Variants in OSBPL8 observed in about 807,000 individuals in gnomAD.
OSBPL8 encodes the protein oxysterol-binding protein-related protein 8.
Under a neutral mutation model 125.5 loss-of-function variants are expected in OSBPL8, and 59 were observed. That is an observed-to-expected ratio of 0.47 (90% CI 0.38 to 0.58). The LOEUF is 0.58. Among genes scored for constraint, OSBPL8 ranks in the 20% least tolerant of loss-of-function variants. The pLI, the probability that OSBPL8 is intolerant of heterozygous loss-of-function variation, is 0.00. For synonymous variants in OSBPL8, 330 were observed against 338.9 expected (o/e 0.97, Z 0.29); for missense variants, 758 against 1,047.8 (o/e 0.72, Z 3.82).
chr12:76,460,452 TAC>T (rs1283215151), intron 2 of OSBPL8, among the ~76,000 whole-genome samples: 1 of 143,964 alleles, frequency 6.9e-6, no homozygotes, highest in Admixed American at 7.0e-5. Flanking sequence ...GAAGAGCATC[TAC>T]AGAGGCATCA....
chr12:76,504,398 C>A lies in OSBPL8; in HGVS notation c.-67-16780G>T, dbSNP rs530540961. Among the ~76,000 whole-genome samples the A allele has an allele frequency of 5.3e-5, 8 of 152,222 alleles. No individual in the cohort carries two copies. The South Asian group carries it at 1.7e-3, about 32-fold the overall frequency. Reference sequence around the variant, plus strand: ...CTCTGTATCATAGAAGCTAAAAGCACGGAAACTACATTTTGCAAATGTCTT... The same window carrying A: ...CTCTGTATCATAGAAGCTAAAAGCAAGGAAACTACATTTTGCAAATGTCTT... On this transcript the variant is annotated intron_variant, in intron 1 of 23. Coordinates refer to ENST00000261183, the MANE Select transcript of OSBPL8 (RefSeq NM_020841.5).
intron 3 of OSBPL8, 150 bp downstream of exon 3, chr12:76,459,709 T>C: frequency 2.3e-6 from 2 of 871,786 alleles, no homozygotes; most frequent in Non-Finnish European, 3.5e-6. Flanking sequence ...TAAATGACCA[T>C]TTATATTCTT....
In OSBPL8 at chr12:76,459,892, G is replaced by A. The variant is rs139460201; in HGVS notation, c.46C>T (p.Leu16Phe). ...ADGEPDRTSL[L>F]GDSKDVLGPS... Reference sequence around the variant, plus strand: ...CCAAGGACATCTTTGCTATCACCAAGAAGCTTTTAAGGCAGGGTAATTGAG... The same window carrying A: ...CCAAGGACATCTTTGCTATCACCAAAAAGCTTTTAAGGCAGGGTAATTGAG... Residue 16 changes from leucine (L) to phenylalanine (F), a missense_variant, in exon 3 of 24, where the codon CTT (leucine) becomes TTT (phenylalanine). Physicochemically the swap from Leu to Phe is conservative, Grantham distance 22 (BLOSUM62 0). Coordinates refer to ENST00000261183, the MANE Select transcript of OSBPL8 (RefSeq NM_020841.5). 2.7e-4 allele frequency: 435 copies of A among 1,613,610 alleles called. 1 individual carries two copies. The highest frequency in any genetic ancestry group is 3.6e-4 in the Non-Finnish European group (424 of 1,179,952).
chr12:76,444,920 A>G (rs1872579428), intron 4 of OSBPL8, among the ~76,000 whole-genome samples: 1 of 152,148 alleles, frequency 6.6e-6, no homozygotes, highest in East Asian at 1.9e-4. Flanking sequence ...TAGTTTTTTT[A>G]TAGTTAAAAG....
intron 1 of OSBPL8, among the ~76,000 whole-genome samples, chr12:76,549,813 T>C (rs746577247): frequency 9.2e-5 from 14 of 152,070 alleles, no homozygotes; most frequent in South Asian, 4.2e-4. Context: ...TTTGTGAGAA[T>C]AGAATGGAGA....
At chr12:76,502,655 C>T (rs1880020808) in intron 1 of OSBPL8, among the ~76,000 whole-genome samples, 2 of 152,142 alleles carry the variant, frequency 1.3e-5, no homozygotes, top group Non-Finnish European at 2.9e-5. Flanking sequence ...AACAGAAAAT[C>T]ACAACAATCC....
chr12:76,479,120 AG>A (rs547712778), intron 2 of OSBPL8, among the ~76,000 whole-genome samples: 2 of 152,340 alleles, frequency 1.3e-5, no homozygotes, highest in African/African-American at 4.8e-5. Flanking sequence ...TCCCTTTAAT[AG>A]AAGTTTCAAT....
intron 7 of OSBPL8, among the ~76,000 whole-genome samples, chr12:76,399,100 C>T (rs375955914): frequency 1.3e-5 from 2 of 152,058 alleles, no homozygotes; most frequent in East Asian, 3.9e-4. Context: ...GATCGAAAAC[C>T]CTAGAATTAG....
intron 10 of OSBPL8, among the ~76,000 whole-genome samples, chr12:76,391,202 G>A (rs1035218529): frequency 2.0e-5 from 3 of 152,066 alleles, no homozygotes; most frequent in South Asian, 2.1e-4. Flanking sequence ...AATTCTATTC[G>A]TCTGAAAGGT....
intron 3 of OSBPL8, among the ~76,000 whole-genome samples, chr12:76,451,339 CA>C (rs34170128): frequency 0.21 from 30,983 of 145,858 alleles, 3,384 homozygotes; most frequent in Non-Finnish European, 0.27. Context: ...AGTCATTTCC[CA>C]AAAAAAAAAA....
At chr12:76,485,513 G>A (rs990504168) in intron 2 of OSBPL8, among the ~76,000 whole-genome samples, 4 of 152,032 alleles carry the variant, frequency 2.6e-5, no homozygotes, top group Admixed American at 1.3e-4. Context: ...CGGAGGTTGC[G>A]GTGAGCAGAG....
intron 6 of OSBPL8, among the ~76,000 whole-genome samples, chr12:76,402,239 T>C (rs563275956): frequency 1.1e-4 from 17 of 152,314 alleles, no homozygotes; most frequent in African/African-American, 4.1e-4. Context: ...CAGTGCTACA[T>C]ATTTCTCAGA....
chr12:76,387,703 G>A (rs188139157), intron 12 of OSBPL8, among the ~76,000 whole-genome samples: 10 of 152,200 alleles, frequency 6.6e-5, no homozygotes, highest in African/African-American at 2.2e-4. Context: ...GATGAGATGT[G>A]AGACAGAAGA....
At chr12:76,413,042 A>G (rs778523913) in intron 4 of OSBPL8, among the ~76,000 whole-genome samples, 1 of 152,218 alleles carries the variant, frequency 6.6e-6, no homozygotes, top group African/African-American at 2.4e-5. Flanking sequence ...TAATCTTTGT[A>G]TATTCTCTGA....
chr12:76,478,234 T>C (rs1877048770), intron 2 of OSBPL8, among the ~76,000 whole-genome samples: 1 of 151,920 alleles, frequency 6.6e-6, no homozygotes, highest in Non-Finnish European at 1.5e-5. Context: ...CACCCTCCGG[T>C]AGCCACCAGA....
chr12:76,544,209 T>C (rs1361906000), intron 1 of OSBPL8, among the ~76,000 whole-genome samples: 1 of 152,164 alleles, frequency 6.6e-6, no homozygotes, highest in Non-Finnish European at 1.5e-5. Context: ...ACCTCATAAA[T>C]GACAAAAGAA....
chr12:76,388,803 G>A (rs1565852042), intron 12 of OSBPL8, among the ~76,000 whole-genome samples: 2 of 151,642 alleles, frequency 1.3e-5, no homozygotes, highest in Non-Finnish European at 1.5e-5. Context: ...TTTTGTCTAC[G>A]ATGAAATTTG....
intron 2 of OSBPL8, among the ~76,000 whole-genome samples, chr12:76,485,607 T>C (rs1878044543): frequency 6.6e-6 from 1 of 152,204 alleles, no homozygotes; most frequent in African/African-American, 2.4e-5. Flanking sequence ...TAACATTTAC[T>C]TGGATACATA....
At chr12:76,471,471 C>T (rs116115063) in intron 2 of OSBPL8, among the ~76,000 whole-genome samples, 1,579 of 152,286 alleles carry the variant, frequency 0.01, 36 homozygotes, top group African/African-American at 0.037. Context: ...AAGTCCAGGA[C>T]AAGGTCCTAA....
Sources: allele counts gnomAD v4.1 joint callset (sites outside exome capture counted in the v4.1 genomes callset), GRCh38; gene constraint gnomAD v4.1.1; transcripts MANE v1.5; gene names NCBI Gene and HGNC (gene_info 2026-07-23, HGNC 2026-07-21).